RFX3: variants seen among roughly 807,000 people sequenced by gnomAD.
RFX3 encodes transcription factor RFX3.
In RFX3, 14 loss-of-function variants were observed where a neutral mutation model predicts 98.6. That is an observed-to-expected ratio of 0.14 (90% CI 0.09 to 0.22). The LOEUF is 0.22. Ranked by LOEUF, RFX3 falls within the 10% of genes least tolerant of loss-of-function variation. The pLI, the probability that RFX3 is intolerant of heterozygous loss-of-function variation, is 1.00. For synonymous variants in RFX3, 383 were observed against 328.4 expected (o/e 1.17, Z -1.80); for missense variants, 639 against 926.9 (o/e 0.69, Z 4.03).
At chr9:3,403,017 A>G (rs957089123) in intron 1 of RFX3, among the ~76,000 whole-genome samples, 1 of 152,084 alleles carries the variant, frequency 6.6e-6, no homozygotes, top group Admixed American at 6.6e-5. Context: ...TTACACATAT[A>G]TATGTATTTT....
intron 4 of RFX3, among the ~76,000 whole-genome samples, chr9:3,314,859 C>A (rs1830398586): frequency 6.6e-6 from 1 of 152,096 alleles, no homozygotes; most frequent in South Asian, 2.1e-4. Context: ...AATAGGAGCA[C>A]CCAGATTCAT....
chr9:3,258,937 A>G (rs2131148774), intron 13 of RFX3, among the ~76,000 whole-genome samples: 1 of 151,978 alleles, frequency 6.6e-6, no homozygotes, highest in South Asian at 2.1e-4. Context: ...AAAATAAAAG[A>G]GGATCATATT....
intron 1 of RFX3, among the ~76,000 whole-genome samples, chr9:3,517,178 C>T (rs543488150): frequency 5.9e-5 from 9 of 152,184 alleles, no homozygotes; most frequent in African/African-American, 1.7e-4. Flanking sequence ...GCTACAGAAT[C>T]ATAGATTGGA....
At chr9:3,447,746 TTAAG>T (rs531200704) in intron 1 of RFX3, among the ~76,000 whole-genome samples, 15 of 152,288 alleles carry the variant, frequency 9.8e-5, no homozygotes, top group Middle Eastern at 3.4e-3. Context: ...CATGCATGAA[TTAAG>T]TAAGAAGCAT....
intron 2 of RFX3, among the ~76,000 whole-genome samples, chr9:3,366,095 G>T (rs796336155): frequency 1.3e-5 from 2 of 152,096 alleles, no homozygotes; most frequent in African/African-American, 4.8e-5. Flanking sequence ...CAGCAGCTGA[G>T]AGATTGTAGA....
chr9:3,317,954 G>T (rs1334030690), intron 4 of RFX3, among the ~76,000 whole-genome samples: 1 of 152,236 alleles, frequency 6.6e-6, no homozygotes, highest in Non-Finnish European at 1.5e-5. Flanking sequence ...CATTGTGAAA[G>T]ACAGTGTGGC....
intron 7 of RFX3, among the ~76,000 whole-genome samples, chr9:3,280,683 A>G (rs936450994): frequency 6.6e-6 from 1 of 151,788 alleles, no homozygotes; most frequent in African/African-American, 2.4e-5. Flanking sequence ...ATCTAAGTGC[A>G]TATCAATATC....
chr9:3,350,710 A>G (rs1403766150), intron 2 of RFX3, among the ~76,000 whole-genome samples: 4 of 152,158 alleles, frequency 2.6e-5, no homozygotes, highest in Non-Finnish European at 5.9e-5. Context: ...TACACATCAA[A>G]ACAATGAAAT....
intron 2 of RFX3, among the ~76,000 whole-genome samples, chr9:3,373,328 C>A (rs1838071739): frequency 6.6e-6 from 1 of 152,186 alleles, no homozygotes; most frequent in Admixed American, 6.5e-5. Context: ...AATCACATCA[C>A]ATCCCAAAAG....
intron 15 of RFX3, among the ~76,000 whole-genome samples, chr9:3,240,676 A>G (rs1192646165): frequency 6.6e-6 from 1 of 152,212 alleles, no homozygotes; most frequent in Admixed American, 6.5e-5. Flanking sequence ...AGGATGGTAT[A>G]AAGAAAGAAA....
chr9:3,454,966 C>G (rs117665299), intron 1 of RFX3, among the ~76,000 whole-genome samples: 1 of 152,172 alleles, frequency 6.6e-6, no homozygotes, highest in Non-Finnish European at 1.5e-5. Flanking sequence ...TCTCCCACCT[C>G]GTCTTCAGAA....
chr9:3,458,247 T>G (rs979482529), intron 1 of RFX3, among the ~76,000 whole-genome samples: 1 of 152,012 alleles, frequency 6.6e-6, no homozygotes, highest in African/African-American at 2.4e-5. Flanking sequence ...ATAGAATAAA[T>G]AAAATGAAGC....
chr9:3,459,062 A>G (rs1355590456), intron 1 of RFX3, among the ~76,000 whole-genome samples: 2 of 152,164 alleles, frequency 1.3e-5, no homozygotes, highest in African/African-American at 4.8e-5. Context: ...AATTAAAACA[A>G]TGCCCCTCTG....
At chr9:3,477,635 T>C (rs1459167436) in intron 1 of RFX3, among the ~76,000 whole-genome samples, 1 of 152,212 alleles carries the variant, frequency 6.6e-6, no homozygotes, top group Non-Finnish European at 1.5e-5. Flanking sequence ...TATGGATCAC[T>C]TTGGGCTTAT....
chr9:3,298,520 C>T (rs924576202), intron 5 of RFX3, among the ~76,000 whole-genome samples: 1 of 151,752 alleles, frequency 6.6e-6, no homozygotes, highest in African/African-American at 2.4e-5. Flanking sequence ...ATGTACCAGG[C>T]ACTGTTCTAG....
intron 5 of RFX3, among the ~76,000 whole-genome samples, chr9:3,298,217 T>A (rs547088920): frequency 6.6e-6 from 1 of 151,878 alleles, no homozygotes; most frequent in Admixed American, 6.6e-5. Flanking sequence ...AAGATGAGAT[T>A]GTTTAGAGGA....
chr9:3,370,165 G>C (rs1197592421), intron 2 of RFX3, among the ~76,000 whole-genome samples: 2 of 148,168 alleles, frequency 1.3e-5, no homozygotes, highest in Non-Finnish European at 3.0e-5. Context: ...TAAGACTGCT[G>C]GTTAGGATGT....
intron 2 of RFX3, among the ~76,000 whole-genome samples, chr9:3,359,902 G>T (rs1836212701): frequency 6.6e-6 from 1 of 152,014 alleles, no homozygotes; most frequent in Admixed American, 6.6e-5. Flanking sequence ...TCAAATATTA[G>T]TTGCTACTAT....
At chr9:3,505,298 A>ATTT (rs1175143101) in intron 1 of RFX3, among the ~76,000 whole-genome samples, 5 of 99,742 alleles carry the variant, frequency 5.0e-5, no homozygotes, top group East Asian at 3.0e-4. Flanking sequence ...TTATATTTAT[A>ATTT]TATATATAAA....
Sources: gnomAD v4.1 joint callset for allele counts (sites outside exome capture counted in the v4.1 genomes callset) on GRCh38, gnomAD v4.1.1 for gene constraint, MANE v1.5 for transcripts, NCBI Gene and HGNC (gene_info 2026-07-23, HGNC 2026-07-21) for gene names.